The following KCNMA1 variants were observed in gnomAD, a reference collection of about 807,000 sequenced individuals.
The protein encoded by KCNMA1 is Calcium-activated potassium channel subunit alpha-1.
In KCNMA1, 29 loss-of-function variants were observed where a neutral mutation model predicts 140.0. That is an observed-to-expected ratio of 0.21 (90% CI 0.15 to 0.28). The LOEUF is 0.28. Ranked by LOEUF, KCNMA1 falls within the 10% of genes least tolerant of loss-of-function variation. The pLI is 1.00. For synonymous variants in KCNMA1, 612 were observed against 611.9 expected (o/e 1.00, Z 0.00); for missense variants, 880 against 1,602.2 (o/e 0.55, Z 7.70).
intron 2 of KCNMA1, among the ~76,000 whole-genome samples, chr10:77,370,667 C>T (rs562229931): frequency 6.6e-6 from 1 of 152,298 alleles, no homozygotes; most frequent in African/African-American, 2.4e-5. Flanking sequence ...CCCTCTTGCT[C>T]CTCTGTGGTA....
At chr10:77,172,332 G>T (rs530046737) in intron 5 of KCNMA1, among the ~76,000 whole-genome samples, 1 of 152,210 alleles carries the variant, frequency 6.6e-6, no homozygotes, top group African/African-American at 2.4e-5. Flanking sequence ...TTTTAGGATG[G>T]TATTTCCAAT....
In KCNMA1 at chr10:77,305,217, A is replaced by G. The variant is rs1036109037; in HGVS notation, c.541-53961T>C. Among the ~76,000 whole-genome samples the G allele has an allele frequency of 2.0e-5, 3 of 152,202 alleles. No homozygotes were observed. The East Asian group carries it at 5.8e-4, about 29-fold the overall frequency. ...CCAGCACATCAGTGACAGGGTTGGGACCAGGTGCCCTGACTCCTAGTTTCC... is the reference window on the plus strand; with the variant it reads ...CCAGCACATCAGTGACAGGGTTGGGGCCAGGTGCCCTGACTCCTAGTTTCC... On this transcript the variant is annotated intron_variant, in intron 2 of 27. Coordinates refer to ENST00000286628, the MANE Select transcript of KCNMA1 (RefSeq NM_001161352.2).
intron 6 of KCNMA1, among the ~76,000 whole-genome samples, chr10:77,118,666 A>G (rs1038375442): frequency 6.6e-6 from 1 of 152,136 alleles, no homozygotes; most frequent in African/African-American, 2.4e-5. Flanking sequence ...TACAAGGCTT[A>G]CCTAAAAGTA....
chr10:77,170,326 AAAG>A (rs1288571420), intron 5 of KCNMA1, among the ~76,000 whole-genome samples: 3 of 152,202 alleles, frequency 2.0e-5, no homozygotes, highest in African/African-American at 4.8e-5. Context: ...GATGACTGGG[AAAG>A]AAGATTTGTT....
intron 1 of KCNMA1, among the ~76,000 whole-genome samples, chr10:77,576,759 T>C (rs1046040816): frequency 2.6e-5 from 4 of 152,166 alleles, no homozygotes; most frequent in Non-Finnish European, 5.9e-5. Flanking sequence ...ACTGCTAGCC[T>C]TCTGCCCTCT....
At chr10:77,018,976 G>C (rs16934182) in intron 17 of KCNMA1, 37 bp downstream of exon 17, 2 of 1,194,048 alleles carry the variant, frequency 1.7e-6, no homozygotes, top group Admixed American at 1.7e-5. Flanking sequence ...GTCTACAGCC[G>C]GGCCAGAAAG....
At chr10:77,062,854 C>A (rs1044276776) in intron 14 of KCNMA1, among the ~76,000 whole-genome samples, 4 of 152,148 alleles carry the variant, frequency 2.6e-5, no homozygotes, top group African/African-American at 9.7e-5. Flanking sequence ...CTTGGAGAAG[C>A]AATGTGTAAC....
intron 5 of KCNMA1, among the ~76,000 whole-genome samples, chr10:77,148,532 T>TTG (rs1554884399): frequency 1.6e-4 from 24 of 151,784 alleles, no homozygotes. Context: ...GTACTTGTTT[T>TTG]GGGGGGGATT....
intron 20 of KCNMA1, among the ~76,000 whole-genome samples, chr10:76,961,608 T>C (rs117189516): frequency 6.6e-6 from 1 of 152,324 alleles, no homozygotes; most frequent in East Asian, 1.9e-4. Context: ...AGAAATCTTT[T>C]GTCAAAGGAA....
At chr10:77,024,961 G>A (rs2093260586) in intron 16 of KCNMA1, among the ~76,000 whole-genome samples, 1 of 152,000 alleles carries the variant, frequency 6.6e-6, no homozygotes, top group African/African-American at 2.4e-5. Context: ...GAATGTGGAA[G>A]TGGTATGTAG....
intron 19 of KCNMA1, chr10:76,995,642 A>T (rs568340887): frequency 2.1e-6 from 1 of 470,914 alleles, no homozygotes; most frequent in African/African-American, 2.0e-5. Context: ...TCCACCATGG[A>T]GGTAAGAGGA....
At chr10:77,615,918 C>T (rs923375325) in intron 1 of KCNMA1, among the ~76,000 whole-genome samples, 1 of 152,110 alleles carries the variant, frequency 6.6e-6, no homozygotes, top group East Asian at 1.9e-4. Flanking sequence ...ATAACAGGGC[C>T]ATTTATTGAG....
intron 1 of KCNMA1, among the ~76,000 whole-genome samples, chr10:77,415,760 T>G (rs1486181200): frequency 6.6e-6 from 1 of 152,214 alleles, no homozygotes; most frequent in African/African-American, 2.4e-5. Flanking sequence ...TCTGTTCCCA[T>G]GGGTCCTGCA....
intron 1 of KCNMA1, among the ~76,000 whole-genome samples, chr10:77,439,014 C>CTGCAGT (rs367624661): frequency 2.0e-5 from 3 of 150,928 alleles, no homozygotes; most frequent in Non-Finnish European, 4.4e-5. Context: ...AGGCCGAGGC[C>CTGCAGT]GAGCCCAGAT....
At chr10:77,002,170 A>C (rs1172252096) in intron 18 of KCNMA1, among the ~76,000 whole-genome samples, 2 of 152,234 alleles carry the variant, frequency 1.3e-5, no homozygotes, top group Non-Finnish European at 2.9e-5. Flanking sequence ...GAACTTCCCG[A>C]GAGTGAGTTT....
intron 1 of KCNMA1, among the ~76,000 whole-genome samples, chr10:77,622,610 C>T (rs1344543334): frequency 1.3e-5 from 2 of 151,906 alleles, no homozygotes; most frequent in Non-Finnish European, 2.9e-5. Flanking sequence ...GTTTGTTATC[C>T]AAAAAAAGAA....
At chr10:77,430,310 C>G (rs1459170290) in intron 1 of KCNMA1, among the ~76,000 whole-genome samples, 1 of 152,178 alleles carries the variant, frequency 6.6e-6, no homozygotes, top group Non-Finnish European at 1.5e-5. Flanking sequence ...TTTACTTTAT[C>G]TTATGTAAAA....
In KCNMA1 at chr10:77,114,594, T is replaced by C. The variant is rs78642728; in HGVS notation, c.885-2152A>G. Among the ~76,000 whole-genome samples, 828 of 152,296 alleles carry C rather than the reference T, an allele frequency of 5.4e-3. 9 individuals carry two copies. The highest frequency in any genetic ancestry group is 0.019 in the African/African-American group (796 of 41,576). ...TATTGTTTACACTATTTACTCAACT[T>C]GAAAGCCCTTCCCATCTAGTCAAAT... On this transcript the variant is annotated intron_variant, in intron 6 of 27. Coordinates refer to ENST00000286628, the MANE Select transcript of KCNMA1 (RefSeq NM_001161352.2).
At chr10:77,044,117 C>T (rs188563007) in intron 14 of KCNMA1, among the ~76,000 whole-genome samples, 1 of 152,202 alleles carries the variant, frequency 6.6e-6, no homozygotes, top group Admixed American at 6.5e-5. Flanking sequence ...AACAAGGACA[C>T]GAATAGGCCA....
Sources: allele counts gnomAD v4.1 joint callset (sites outside exome capture counted in the v4.1 genomes callset), GRCh38; gene constraint gnomAD v4.1.1; transcripts MANE v1.5; gene names NCBI Gene and HGNC (gene_info 2026-07-23, HGNC 2026-07-21).